The following PILRA variants were observed in gnomAD, a reference collection of about 807,000 sequenced individuals.
PILRA encodes the protein paired immunoglobulin-like type 2 receptor alpha.
PILRA carries 37 observed loss-of-function variants against 33.1 expected under a neutral mutation model. The observed-to-expected ratio is 1.12, with a 90% confidence interval of 0.86 to 1.47. PILRA has a LOEUF of 1.47. PILRA is among the 40% of genes most tolerant of loss of function. PILRA has a pLI of 0.00. For synonymous variants in PILRA, 146 were observed against 149.9 expected (o/e 0.97, Z 0.19); for missense variants, 312 against 376.2 (o/e 0.83, Z 1.41).
chr7:100,383,028 TGAAAAGA>T (rs1286507815), intron 2 of PILRA, among the ~76,000 whole-genome samples: 3 of 152,034 alleles, frequency 2.0e-5, no homozygotes, highest in South Asian at 2.1e-4. Context: ...CAGGTGATGG[TGAAAAGA>T]GAAAAGAGTA....
chr7:100,380,316 CAGAA>C (rs1316681097), intron 2 of PILRA, among the ~76,000 whole-genome samples: 1 of 152,076 alleles, frequency 6.6e-6, no homozygotes, highest in East Asian at 1.9e-4. Flanking sequence ...ACAGGAAAAA[CAGAA>C]AGAGGAACCT....
At chr7:100,381,668 G>A (rs1229094870) in intron 2 of PILRA, among the ~76,000 whole-genome samples, 1 of 152,218 alleles carries the variant, frequency 6.6e-6, no homozygotes, top group Non-Finnish European at 1.5e-5. Flanking sequence ...CACAGTGGGA[G>A]CCCCTTCCTG....
At chr7:100,399,485 C>T in intron 5 of PILRA, 96 bp from the exon 6 acceptor site, 1 of 1,478,132 alleles carries the variant, frequency 6.8e-7, no homozygotes, top group Non-Finnish European at 9.5e-7. Flanking sequence ...CTGGCCCTGA[C>T]CTAGCAGATA....
intron 3 of PILRA, among the ~76,000 whole-genome samples, chr7:100,390,948 T>C (rs1017420276): frequency 6.6e-6 from 1 of 151,782 alleles, no homozygotes; most frequent in African/African-American, 2.4e-5. Flanking sequence ...TGGGCCAGGC[T>C]GGGTCAGTGC....
chr7:100,377,144 G>A (rs986323621), intron 2 of PILRA, among the ~76,000 whole-genome samples: 4 of 148,634 alleles, frequency 2.7e-5, no homozygotes, highest in Non-Finnish European at 5.9e-5. Context: ...ATATAACTAA[G>A]TTTGTTGTTG....
chr7:100,374,193 A>T lies in PILRA; in HGVS notation c.214A>T (p.Arg72Ter), dbSNP rs1392251728. ...ATAPDVRISW[R>*]RGHFHRQSFY... is the part of the protein sequence containing the mutation. ...AGCTCCCGACGTGAGAATATCCTGG[A>T]GACGGGGCCACTTCCACAGGCAGTC... Residue 72 changes from arginine (R) to a stop codon, truncating the protein, a stop_gained, in exon 2 of 7, where the codon AGA becomes TGA. Coordinates refer to ENST00000198536, the MANE Select transcript of PILRA (RefSeq NM_013439.3). LOFTEE classifies it high-confidence loss of function. 6.2e-7 allele frequency: 1 copy of T among 1,614,086 alleles called. No individual in the cohort carries two copies. The highest frequency in any genetic ancestry group is 8.5e-7 in the Non-Finnish European group (1 of 1,180,008).
In PILRA at chr7:100,390,009, A is replaced by G; in HGVS notation, c.576A>G (p.Ile192Met). ...AACGACGCTCAGACTCTTGGCACAT[A>G]AGTCTGGAGACTGCTGTGGGGGTGG... ...QGKRRSDSWH[I>M]SLETAVGVAV... is the part of the protein sequence containing the mutation. The change falls in exon 3 of 7, where the codon ATA (isoleucine) becomes ATG (methionine). Residue 192 changes from isoleucine to methionine, a missense_variant. Coordinates refer to ENST00000198536, the MANE Select transcript of PILRA (RefSeq NM_013439.3). The G allele has an allele frequency of 6.2e-7, 1 of 1,613,974 alleles. No homozygotes were observed. Among genetic ancestry groups the G allele is most frequent in the South Asian group, 1.1e-5 (1 of 91,080 alleles).
upstream of PILRA, among the ~76,000 whole-genome samples, chr7:100,372,883 A>G (rs1291344502): frequency 6.6e-6 from 1 of 151,082 alleles, no homozygotes; most frequent in Non-Finnish European, 1.5e-5. Flanking sequence ...GCGGGACGTC[A>G]GAGGGGAGCC....
rs757675424 is a variant in PILRA at position 100,390,028 on chromosome 7, G to A, written c.595G>A (p.Gly199Arg). 18 of 1,614,014 alleles carry A rather than the reference G, an allele frequency of 1.1e-5. No individual in the cohort carries two copies. The highest frequency in any genetic ancestry group is 1.7e-5 in the Admixed American group (1 of 59,998). ...GCACATAAGTCTGGAGACTGCTGTG[G>A]GGGTGGCAGTGGCTGTCACTGTGCT... ...SWHISLETAVGVAVAVTVLGI... is the reference protein window; with the variant it reads ...SWHISLETAVRVAVAVTVLGI... The change falls in exon 3 of 7, where the codon GGG (glycine) becomes AGG (arginine). Residue 199 changes from glycine (G) to arginine (R), a missense_variant. Gly to Arg is a moderately radical substitution (Grantham distance 125). Transcript: ENST00000198536.
At position 100,390,080 on chromosome 7, in the gene PILRA, G is replaced by A. The variant is rs769749693; in HGVS notation, c.647G>A (p.Cys216Tyr). 1 of 1,614,054 alleles carries A rather than the reference G, an allele frequency of 6.2e-7. No homozygotes were observed. The highest frequency in any genetic ancestry group is 2.2e-5 in the East Asian group (1 of 44,886). Reference sequence around the variant, plus strand: ...GGAATCATGATTTTGGGACTGATCTGCCTCCTCAGGTGGAGGAGAAGGAAA... The same window carrying A: ...GGAATCATGATTTTGGGACTGATCTACCTCCTCAGGTGGAGGAGAAGGAAA... ...VLGIMILGLI[C>Y]LLRWRRRKGQ... The change falls in exon 3 of 7, where the codon TGC becomes TAC. Residue 216 changes from cysteine to tyrosine, a missense_variant. Transcript: ENST00000198536.
At chr7:100,390,330 G>T (rs1791363021) in intron 3 of PILRA, among the ~76,000 whole-genome samples, 1 of 152,010 alleles carries the variant, frequency 6.6e-6, no homozygotes, top group South Asian at 2.1e-4. Context: ...TCACACAGCC[G>T]ATCCCCCCCT....
At chr7:100,375,686 C>G (rs1339669167) in intron 2 of PILRA, among the ~76,000 whole-genome samples, 1 of 152,104 alleles carries the variant, frequency 6.6e-6, no homozygotes, top group Non-Finnish European at 1.5e-5. Flanking sequence ...GAGCTGAGAT[C>G]GAGCAACTGC....
At chr7:100,396,932 C>T (rs1164958724) in intron 3 of PILRA, among the ~76,000 whole-genome samples, 1 of 151,058 alleles carries the variant, frequency 6.6e-6, no homozygotes, top group Non-Finnish European at 1.5e-5. Context: ...ATACTTAACA[C>T]TAATGAACTG....
chr7:100,379,668 CA>C (rs57322009), intron 2 of PILRA, among the ~76,000 whole-genome samples: 16,639 of 69,350 alleles, frequency 0.24, 464 homozygotes, highest in Middle Eastern at 0.27. Flanking sequence ...ACTCTGTCTC[CA>C]AAAAAAAAAA....
rs188477200 is a variant in PILRA, at chr7:100,397,269, G to A, written c.674-610G>A. The stretch of plus-strand genomic sequence containing the variant: ...CTAGATGGTGGAGGGGATGTCTGTG[G>A]ACCAGGAGCCCACTGCTTGGGAAAC... On this transcript the variant is annotated intron_variant, in intron 3 of 6. Coordinates refer to ENST00000198536, the MANE Select transcript of PILRA (RefSeq NM_013439.3). Among the ~76,000 whole-genome samples, 15 of 152,102 alleles carry A rather than the reference G, an allele frequency of 9.9e-5. 1 individual carries two copies. The East Asian group carries it at 2.9e-3, about 29-fold the overall frequency.
chr7:100,394,029 A>C (rs953600719), intron 3 of PILRA, among the ~76,000 whole-genome samples: 1 of 152,188 alleles, frequency 6.6e-6, no homozygotes, highest in African/African-American at 2.4e-5. Context: ...CTCCAAATAC[A>C]ATCAATTTTC....
intron 3 of PILRA, among the ~76,000 whole-genome samples, chr7:100,393,580 C>G (rs543319169): frequency 6.6e-6 from 1 of 152,286 alleles, no homozygotes; most frequent in African/African-American, 2.4e-5. Context: ...GTTGCTACCA[C>G]CAGGGACCAG....
At chr7:100,395,581 C>T (rs922745465) in intron 3 of PILRA, among the ~76,000 whole-genome samples, 2 of 151,886 alleles carry the variant, frequency 1.3e-5, no homozygotes, top group Non-Finnish European at 2.9e-5. Flanking sequence ...ATTAGCAGCA[C>T]AAAATAGACT....
At chr7:100,371,727 CCTGT>C (rs1322328745), upstream of PILRA, among the ~76,000 whole-genome samples, 4 of 152,160 alleles carry the variant, frequency 2.6e-5, no homozygotes. Flanking sequence ...TCTCAGAAGC[CCTGT>C]CTGTGAGAGA....
Sources: allele counts gnomAD v4.1 joint callset (sites outside exome capture counted in the v4.1 genomes callset), GRCh38; gene constraint gnomAD v4.1.1; transcripts MANE v1.5; gene names NCBI Gene and HGNC (gene_info 2026-07-23, HGNC 2026-07-21).